ATRN: variants seen among roughly 807,000 people sequenced by gnomAD.
ATRN encodes attractin.
Under a neutral mutation model 178.7 loss-of-function variants are expected in ATRN, and 54 were observed. The observed-to-expected ratio is 0.30, with a 90% CI of 0.24 to 0.38. The LOEUF is 0.38. ATRN is among the 10% of genes least tolerant of loss of function. The pLI, the probability that ATRN is intolerant of heterozygous loss-of-function variation, is 1.00. For missense variants in ATRN, 1,443 were observed against 1,815.1 expected, an observed-to-expected ratio of 0.79 and a Z score of 3.73; for synonymous variants, 636 against 663.0, an observed-to-expected ratio of 0.96 and a Z score of 0.63.
rs1208959691 is a variant in ATRN, at chr20:3,562,259, C to G, written c.1448-17C>G. ...AGGAGCCTGCCATGCTTGCCTTTAA[C>G]TGTCTTTCCTTTCCAGATAAGAACA... is the stretch of plus-strand genomic sequence containing the variant. On this transcript the variant is annotated splice_polypyrimidine_tract_variant and intron_variant, in intron 8 of 28. Transcript: ENST00000262919. The G allele has an allele frequency of 3.1e-6, 5 of 1,601,396 alleles. No individual in the cohort carries two copies.
intron 4 of ATRN, among the ~76,000 whole-genome samples, chr20:3,546,248 A>G (rs1027821121): frequency 5.9e-5 from 9 of 152,198 alleles, no homozygotes; most frequent in South Asian, 2.1e-4. Flanking sequence ...AGTAGTTGTC[A>G]TGTACTCGAT....
chr20:3,535,388 G>T, intron 2 of ATRN, 52 bp downstream of exon 2: 1 of 978,848 alleles, frequency 1.0e-6, no homozygotes, highest in Non-Finnish European at 1.5e-6. Context: ...AGAAGTCAGT[G>T]TGACATTAGT....
At chr20:3,474,330 A>G (rs952862093) in intron 1 of ATRN, among the ~76,000 whole-genome samples, 3 of 152,090 alleles carry the variant, frequency 2.0e-5, no homozygotes, top group Non-Finnish European at 4.4e-5. Flanking sequence ...TTTGGTCCTG[A>G]TGATACCATT....
intron 1 of ATRN, among the ~76,000 whole-genome samples, chr20:3,495,563 T>C (rs2084866835): frequency 6.6e-6 from 1 of 152,208 alleles, no homozygotes; most frequent in East Asian, 1.9e-4. Flanking sequence ...AGGTTAGCGA[T>C]TTGGTCATCA....
At position 3,584,847 on chromosome 20, in the gene ATRN, A is replaced by G; in HGVS notation, c.3151A>G (p.Ser1051Gly). ...LLNSSMCLED[S>G]RYNWSFIHCP... is the part of the protein sequence containing the mutation. ...CAATTCCAGCATGTGTCTAGAGGAC[A>G]GCAGATACAACTGGTCTTTCATTCA... The change falls in exon 18 of 29, where the codon AGC becomes GGC. Residue 1051 changes from serine to glycine, a missense_variant. Coordinates refer to ENST00000262919, the MANE Select transcript of ATRN (RefSeq NM_139321.3). 1.9e-6 allele frequency: 3 copies of G among 1,614,214 alleles called. No homozygotes were observed. Among genetic ancestry groups the G allele is most frequent in the Non-Finnish European group, 8.5e-7 (1 of 1,180,034 alleles).
Position 3,595,389 on chromosome 20 carries a change from C to G in ATRN, c.3416+817C>G, listed in dbSNP as rs565314490. On this transcript the variant is annotated intron_variant, in intron 20 of 28. Transcript: ENST00000262919. ...TTAATCATTGTAAACATCATTATTT[C>G]TTAAATAACAGTAGTAATAATGCCA... is the stretch of plus-strand genomic sequence containing the variant. 3.3e-4 allele frequency among the ~76,000 whole-genome samples: 50 copies of G among 152,302 alleles called. No homozygotes were observed. The South Asian group carries it at 0.01, about 32-fold the overall frequency.
At chr20:3,556,798 T>C (rs1361639912) in intron 6 of ATRN, among the ~76,000 whole-genome samples, 1 of 152,216 alleles carries the variant, frequency 6.6e-6, no homozygotes, top group Non-Finnish European at 1.5e-5. Context: ...TGTTTTTTTT[T>C]CTCTGTGTTG....
At chr20:3,485,440 G>T (rs2084677056) in intron 1 of ATRN, among the ~76,000 whole-genome samples, 1 of 151,942 alleles carries the variant, frequency 6.6e-6, no homozygotes, top group South Asian at 2.1e-4. Context: ...ATAGAAGGTG[G>T]CCTGTGATTA....
At chr20:3,619,863 G>A (rs779822117) in intron 24 of ATRN, among the ~76,000 whole-genome samples, 7 of 152,134 alleles carry the variant, frequency 4.6e-5, no homozygotes, top group African/African-American at 7.2e-5. Context: ...TCACTCTTGA[G>A]GGCAGCATCC....
chr20:3,603,050 G>T (rs1327852549), intron 23 of ATRN, among the ~76,000 whole-genome samples: 2 of 150,908 alleles, frequency 1.3e-5, no homozygotes, highest in South Asian at 4.2e-4. Context: ...TAGTCACAGG[G>T]TCTAACTCAG....
intron 24 of ATRN, among the ~76,000 whole-genome samples, chr20:3,607,295 C>T (rs1255157292): frequency 6.6e-6 from 1 of 152,060 alleles, no homozygotes; most frequent in African/African-American, 2.4e-5. Flanking sequence ...TAAGTTATTG[C>T]TAACTATAGT....
chr20:3,627,367 A>G (rs561712810), intron 25 of ATRN, among the ~76,000 whole-genome samples: 117 of 152,380 alleles, frequency 7.7e-4, no homozygotes, highest in African/African-American at 2.6e-3. Context: ...TCACTGCTTT[A>G]AAAGCACATA....
chr20:3,611,736 C>T (rs2086769527), intron 24 of ATRN, among the ~76,000 whole-genome samples: 1 of 152,052 alleles, frequency 6.6e-6, no homozygotes, highest in East Asian at 1.9e-4. Flanking sequence ...AATGAGACTG[C>T]CTCTCAAAAT....
At chr20:3,577,745 G>A (rs930640977) in intron 14 of ATRN, among the ~76,000 whole-genome samples, 2 of 152,148 alleles carry the variant, frequency 1.3e-5, no homozygotes, top group Admixed American at 6.5e-5. Context: ...TCTTGCGAAA[G>A]GCATATTCTG....
chr20:3,537,803 T>C (rs983752348), intron 2 of ATRN, among the ~76,000 whole-genome samples: 20 of 151,924 alleles, frequency 1.3e-4, no homozygotes, highest in Middle Eastern at 3.4e-3. Context: ...AGAATGATGG[T>C]TTCCAGCTTC....
At chr20:3,485,721 A>G (rs1022121143) in intron 1 of ATRN, among the ~76,000 whole-genome samples, 5 of 146,930 alleles carry the variant, frequency 3.4e-5, no homozygotes, top group South Asian at 4.3e-4. Flanking sequence ...TCCTGGGTTC[A>G]AGCAATTCTC....
chr20:3,511,392 A>G (rs1050500646), intron 1 of ATRN, among the ~76,000 whole-genome samples: 1 of 152,160 alleles, frequency 6.6e-6, no homozygotes, highest in African/African-American at 2.4e-5. Flanking sequence ...AGATCACGGT[A>G]GATCTTAACA....
At chr20:3,629,052 A>G in intron 25 of ATRN, 1 of 985,080 alleles carries the variant, frequency 1.0e-6, no homozygotes, top group Non-Finnish European at 1.2e-6. Flanking sequence ...GCTGGTTCCA[A>G]GCCACTTCTC....
rs781693697 is a variant in ATRN, at chr20:3,584,779, C to T, written c.3083C>T (p.Pro1028Leu). ...EGSYKGPVKM[P>L]SQAPTGNFYP... is the part of the protein sequence containing the mutation. ...TCCTATAAAGGACCAGTGAAGATGC[C>T]TTCGCAAGCCCCTACAGGAAATTTC... Residue 1028 changes from proline to leucine, a missense_variant, in exon 18 of 29, where the codon CCT becomes CTT. Physicochemically the swap from Pro to Leu is moderately conservative, Grantham distance 98. Transcript: ENST00000262919. 4 of 1,614,028 alleles carry T rather than the reference C, an allele frequency of 2.5e-6. No homozygotes were observed. The East Asian group carries it at 6.7e-5, about 27-fold the overall frequency.
Sources: gnomAD v4.1 joint callset for allele counts (sites outside exome capture counted in the v4.1 genomes callset) on GRCh38, gnomAD v4.1.1 for gene constraint, MANE v1.5 for transcripts, NCBI Gene and HGNC (gene_info 2026-07-23, HGNC 2026-07-21) for gene names.